Variants in HDAC9 observed in about 807,000 individuals in gnomAD.
HDAC9 encodes histone deacetylase 9.
Under a neutral mutation model 139.4 loss-of-function variants are expected in HDAC9, and 41 were observed. That is an observed-to-expected ratio of 0.29 (90% CI 0.23 to 0.38). HDAC9 has a LOEUF of 0.38. Ranked by LOEUF, HDAC9 falls within the 10% of genes least tolerant of loss-of-function variation. The pLI, the probability that HDAC9 is intolerant of heterozygous loss-of-function variation, is 1.00. For missense variants in HDAC9, 1,147 were observed against 1,297.0 expected, an observed-to-expected ratio of 0.88 and a Z score of 1.78; for synonymous variants, 517 against 476.2, an observed-to-expected ratio of 1.09 and a Z score of -1.12.
At chr7:18,372,063 G>A (rs1784634984) in intron 1 of HDAC9, among the ~76,000 whole-genome samples, 2 of 152,262 alleles carry the variant, frequency 1.3e-5, no homozygotes, top group African/African-American at 4.8e-5. Context: ...TACAAATGAA[G>A]CATTCATGGA....
chr7:18,966,256 C>A (rs1316917976), intron 24 of HDAC9, among the ~76,000 whole-genome samples: 1 of 152,156 alleles, frequency 6.6e-6, no homozygotes. Context: ...TTAAGAAAAG[C>A]GTGTAGGGTC....
chr7:18,586,770 T>C (rs1397962230), intron 3 of HDAC9, among the ~76,000 whole-genome samples: 1 of 152,158 alleles, frequency 6.6e-6, no homozygotes, highest in East Asian at 1.9e-4. Flanking sequence ...ATATTATTGA[T>C]GTACAAAATA....
intron 1 of HDAC9, among the ~76,000 whole-genome samples, chr7:18,410,908 C>T (rs930781883): frequency 1.3e-5 from 2 of 152,032 alleles, no homozygotes; most frequent in African/African-American, 4.8e-5. Flanking sequence ...TTGTGAGAAG[C>T]AAGCTCAATG....
At chr7:18,406,251 C>A (rs903596544) in intron 1 of HDAC9, among the ~76,000 whole-genome samples, 2 of 152,130 alleles carry the variant, frequency 1.3e-5, no homozygotes, top group Non-Finnish European at 2.9e-5. Flanking sequence ...CCTACTTTCT[C>A]ATCCAAACAT....
chr7:18,427,425 CCTTA>C (rs1226790644), intron 1 of HDAC9, among the ~76,000 whole-genome samples: 3 of 151,682 alleles, frequency 2.0e-5, no homozygotes, highest in Middle Eastern at 3.4e-3. Flanking sequence ...TTTTTTACCT[CCTTA>C]CTTATTTAGT....
chr7:18,873,609 ACCAC>A (rs1799094006), intron 21 of HDAC9, among the ~76,000 whole-genome samples: 1 of 152,176 alleles, frequency 6.6e-6, no homozygotes, highest in Non-Finnish European at 1.5e-5. Context: ...ATATCTCACA[ACCAC>A]ACAAGAGTGA....
intron 12 of HDAC9, among the ~76,000 whole-genome samples, chr7:18,691,877 C>T (rs998964816): frequency 6.6e-6 from 1 of 151,880 alleles, no homozygotes; most frequent in Non-Finnish European, 1.5e-5. Context: ...CCTTGGCATA[C>T]CAGAGAAGTC....
intron 22 of HDAC9, among the ~76,000 whole-genome samples, chr7:18,893,033 GAAAAAAAA>G (rs71960483): frequency 1.3e-4 from 9 of 66,890 alleles, no homozygotes; most frequent in East Asian, 5.1e-4. Context: ...GTAATAGGCC[GAAAAAAAA>G]AAAAAAAAAA....
intron 2 of HDAC9, among the ~76,000 whole-genome samples, chr7:18,226,449 C>G (rs982204168): frequency 2.0e-5 from 3 of 152,060 alleles, no homozygotes; most frequent in African/African-American, 7.2e-5. Flanking sequence ...GCAGACTATA[C>G]ATTGCCCTTT....
intron 2 of HDAC9, among the ~76,000 whole-genome samples, chr7:18,497,044 A>G (rs114278599): frequency 2.4e-3 from 360 of 152,238 alleles, no homozygotes; most frequent in African/African-American, 8.1e-3. Context: ...TAGTTTCTCA[A>G]GGAGATGAGC....
chr7:18,285,461 A>T (rs1797373852), upstream of HDAC9, among the ~76,000 whole-genome samples: 2 of 151,844 alleles, frequency 1.3e-5, no homozygotes, highest in African/African-American at 4.8e-5. Flanking sequence ...CACATCCTTG[A>T]TTTTTTTTCT....
At chr7:18,887,435 C>T (rs1800260122) in intron 22 of HDAC9, among the ~76,000 whole-genome samples, 1 of 152,148 alleles carries the variant, frequency 6.6e-6, no homozygotes, top group African/African-American at 2.4e-5. Flanking sequence ...TGGCTACCAA[C>T]TAACTTCTTT....
intron 1 of HDAC9, among the ~76,000 whole-genome samples, chr7:18,390,047 A>AAC (rs60514746): frequency 0.15 from 19,675 of 130,190 alleles, 1,520 homozygotes; most frequent in Middle Eastern, 0.2. Context: ...AGAGAAAGAC[A>AAC]ACACACACAC....
intron 17 of HDAC9, among the ~76,000 whole-genome samples, chr7:18,824,093 G>GAAGAAC (rs869114650): frequency 2.8e-4 from 42 of 150,782 alleles, no homozygotes; most frequent in South Asian, 1.3e-3. Context: ...AGAAGAACAA[G>GAAGAAC]AACAAGAAGG....
intron 21 of HDAC9, among the ~76,000 whole-genome samples, chr7:18,867,338 G>C (rs1410444732): frequency 2.0e-5 from 3 of 152,116 alleles, no homozygotes; most frequent in Non-Finnish European, 4.4e-5. Flanking sequence ...CCAGTACTTG[G>C]TCCCATGCCT....
intron 1 of HDAC9, among the ~76,000 whole-genome samples, chr7:18,433,203 A>G (rs1035419831): frequency 3.9e-5 from 6 of 152,186 alleles, no homozygotes; most frequent in Admixed American, 1.3e-4. Context: ...ATTCTTTCAT[A>G]TTAAAATCCC....
intron 22 of HDAC9, among the ~76,000 whole-genome samples, chr7:18,890,638 T>A (rs898229901): frequency 9.9e-5 from 15 of 152,222 alleles, no homozygotes; most frequent in African/African-American, 3.6e-4. Flanking sequence ...ATACAAAGAA[T>A]GAAACAGAGG....
At chr7:18,483,695 T>G (rs185372259) in intron 1 of HDAC9, among the ~76,000 whole-genome samples, 57 of 152,290 alleles carry the variant, frequency 3.7e-4, no homozygotes, top group Non-Finnish European at 7.6e-4. Context: ...CATTTAAAAT[T>G]TTTACAAATC....
chr7:18,314,840 A>T (rs957762591), intron 1 of HDAC9, among the ~76,000 whole-genome samples: 2 of 152,232 alleles, frequency 1.3e-5, no homozygotes, highest in Admixed American at 6.5e-5. Flanking sequence ...TTTTAAATAA[A>T]TGAAGTTTGA....
Sources: gnomAD v4.1 joint callset for allele counts (sites outside exome capture counted in the v4.1 genomes callset) on GRCh38, gnomAD v4.1.1 for gene constraint, MANE v1.5 for transcripts, NCBI Gene and HGNC (gene_info 2026-07-23, HGNC 2026-07-21) for gene names.